Variants in DEFB131A observed in about 807,000 individuals in gnomAD.
The protein encoded by DEFB131A is defensin beta 131A.
In DEFB131A, 5 loss-of-function variants were observed where a neutral mutation model predicts 2.4. That is an observed-to-expected ratio of 2.12 (90% confidence interval 1.11 to 4.47). DEFB131A has a LOEUF of 4.47. Among genes scored for constraint, DEFB131A ranks in the 30% most tolerant of loss-of-function variants. The pLI, the probability that DEFB131A is intolerant of heterozygous loss-of-function variation, is 0.00. For missense variants in DEFB131A, 120 were observed against 79.9 expected, an observed-to-expected ratio of 1.50 and a Z score of -1.91; for synonymous variants, 34 against 25.7, an observed-to-expected ratio of 1.32 and a Z score of -0.97.
intron 1 of DEFB131A, among the ~76,000 whole-genome samples, chr4:9,446,930 T>C (rs1158590576): frequency 2.6e-5 from 4 of 152,156 alleles, no homozygotes; most frequent in Non-Finnish European, 4.4e-5. Flanking sequence ...TCTAGTTCTA[T>C]TCTATTTTTG....
At chr4:9,450,247 T>C (rs777556856) in intron 1 of DEFB131A, 113 bp from the exon 2 acceptor site, 12 of 1,228,612 alleles carry the variant, frequency 9.8e-6, no homozygotes, top group Non-Finnish European at 1.0e-5. Flanking sequence ...CTGTTGATTT[T>C]GTTTTTCTGG....
At chr4:9,448,479 C>T (rs530736867) in intron 1 of DEFB131A, among the ~76,000 whole-genome samples, 3 of 152,176 alleles carry the variant, frequency 2.0e-5, no homozygotes, top group East Asian at 1.9e-4. Context: ...CAGCCACCAC[C>T]ATGCCTGGCT....
chr4:9,444,555 T>C lies in DEFB131A; in HGVS notation c.22T>C (p.Phe8Leu). The C allele has an allele frequency of 6.2e-7, 1 of 1,611,544 alleles. No homozygotes were observed. Among genetic ancestry groups the C allele is most frequent in the South Asian group, 1.1e-5 (1 of 90,954 alleles). The change falls in exon 1 of 2, where the codon TTT becomes CTT. Residue 8 changes from phenylalanine (F) to leucine (L), a missense_variant. Physicochemically the swap from Phe to Leu is conservative, Grantham distance 22. Coordinates refer to ENST00000334879, the MANE Select transcript of DEFB131A (RefSeq NM_001040448.3). ...AACCATGAGGGTCTTGTTTTTTGTC[T>C]TTGGAGTCCTTTCCTTGATGTTCAC... is the stretch of plus-strand genomic sequence containing the variant. MRVLFFVFGVLSLMFTVP... is the reference protein window; with the variant it reads MRVLFFVLGVLSLMFTVP...
chr4:9,446,226 G>C (rs1336564983), intron 1 of DEFB131A, among the ~76,000 whole-genome samples: 1 of 152,032 alleles, frequency 6.6e-6, no homozygotes, highest in Non-Finnish European at 1.5e-5. Flanking sequence ...CCTCAGAAAA[G>C]ATAAATAAGT....
chr4:9,447,472 T>C (rs560995546), intron 1 of DEFB131A, among the ~76,000 whole-genome samples: 1 of 152,300 alleles, frequency 6.6e-6, no homozygotes, highest in Non-Finnish European at 1.5e-5. Context: ...ATGGGTGCCT[T>C]AAATAACAAA....
intron 1 of DEFB131A, among the ~76,000 whole-genome samples, 187 bp from the exon 2 acceptor site, chr4:9,450,173 C>A (rs539534412): frequency 6.6e-6 from 1 of 152,314 alleles, no homozygotes; most frequent in Non-Finnish European, 1.5e-5. Flanking sequence ...TATCTACTCT[C>A]TTTATAGAAG....
At chr4:9,445,509 C>T (rs11736134) in intron 1 of DEFB131A, among the ~76,000 whole-genome samples, 105,863 of 151,076 alleles carry the variant, frequency 0.7, 37,478 homozygotes, top group Non-Finnish European at 0.77. Flanking sequence ...TATTAAACTG[C>T]GGTTCATACC....
intron 1 of DEFB131A, among the ~76,000 whole-genome samples, chr4:9,446,413 G>T (rs1298401535): frequency 6.6e-6 from 1 of 152,014 alleles, no homozygotes; most frequent in Non-Finnish European, 1.5e-5. Flanking sequence ...ATGATCCATT[G>T]TATTTCTTTT....
At chr4:9,450,039 T>G (rs1717614922) in intron 1 of DEFB131A, among the ~76,000 whole-genome samples, 1 of 152,200 alleles carries the variant, frequency 6.6e-6, no homozygotes, top group African/African-American at 2.4e-5. Flanking sequence ...CTCCAGAAGT[T>G]AAACATTATT....
At chr4:9,447,515 T>C (rs947111658) in intron 1 of DEFB131A, among the ~76,000 whole-genome samples, 2 of 152,222 alleles carry the variant, frequency 1.3e-5, no homozygotes, top group Admixed American at 1.3e-4. Context: ...GAAGTTATAA[T>C]TCTAAGATCA....
chr4:9,444,614 C>T, intron 1 of DEFB131A, 23 bp downstream of exon 1: 1 of 1,600,456 alleles, frequency 6.2e-7, no homozygotes, highest in Non-Finnish European at 8.5e-7. Flanking sequence ...CTTTTTTATT[C>T]CAAAGTTCTA....
intron 1 of DEFB131A, among the ~76,000 whole-genome samples, chr4:9,446,891 C>T (rs545906712): frequency 5.9e-5 from 9 of 152,198 alleles, no homozygotes; most frequent in East Asian, 3.9e-4. Flanking sequence ...TTATCTGTAT[C>T]GTTTCCAAAG....
intron 1 of DEFB131A, among the ~76,000 whole-genome samples, chr4:9,446,290 A>G (rs1423709603): frequency 3.9e-5 from 6 of 152,126 alleles, no homozygotes; most frequent in Non-Finnish European, 5.9e-5. Flanking sequence ...GATTTATTAT[A>G]AAGTATTGGT....
At position 9,444,690 on chromosome 4, in the gene DEFB131A, T is replaced by C. The variant is rs1458108094; in HGVS notation, c.58+99T>C. The C allele has an allele frequency of 4.0e-6, 5 of 1,240,030 alleles. No homozygotes were observed. In the East Asian group the frequency reaches 1.2e-4, roughly 29 times the overall value. 76.8% of individuals were successfully genotyped at this position (1,240,030 alleles called of 1,614,324 possible). On this transcript the variant is annotated intron_variant, in intron 1 of 1. Transcript: ENST00000334879. ...TGAAAATAAAATAGGCATGGGCAGA[T>C]TTTACTGTACCATGAAGGCTGCTCA...
At chr4:9,447,604 C>T (rs888248549) in intron 1 of DEFB131A, among the ~76,000 whole-genome samples, 8 of 151,824 alleles carry the variant, frequency 5.3e-5, no homozygotes, top group Non-Finnish European at 1.0e-4. Flanking sequence ...CCTCTTATGG[C>T]ATTTTTTCTG....
intron 1 of DEFB131A, among the ~76,000 whole-genome samples, chr4:9,445,801 A>G (rs1021196619): frequency 6.6e-6 from 1 of 152,150 alleles, no homozygotes; most frequent in Non-Finnish European, 1.5e-5. Flanking sequence ...ATTCCAGAAT[A>G]TGTTTATAAC....
At chr4:9,448,137 G>A (rs1245353608) in intron 1 of DEFB131A, among the ~76,000 whole-genome samples, 16 of 148,272 alleles carry the variant, frequency 1.1e-4, no homozygotes, top group African/African-American at 3.5e-4. Context: ...TTAAACATAG[G>A]CATATTATAT....
intron 1 of DEFB131A, 131 bp from the exon 2 acceptor site, chr4:9,450,229 A>G: frequency 9.0e-7 from 1 of 1,110,814 alleles, no homozygotes; most frequent in East Asian, 3.0e-5. Context: ...TTTCTCTTGC[A>G]TTTTTTGCTG....
Position 9,450,505 on chromosome 4 carries a change from G to T in DEFB131A, c.204G>T (p.Lys68Asn), listed in dbSNP as rs776328230. 1.9e-6 allele frequency: 3 copies of T among 1,609,050 alleles called. No homozygotes were observed. Among genetic ancestry groups the T allele is most frequent in the Non-Finnish European group, 2.5e-6 (3 of 1,178,582 alleles). The change falls in exon 2 of 2, where the codon AAG becomes AAT. Residue 68 changes from lysine to asparagine, a missense_variant. Transcript: ENST00000334879. ...KLKIIEIDGQKKW is the reference protein window; with the variant it reads ...KLKIIEIDGQNKW ...AGATCATTGAAATTGACGGACAAAA[G>T]AAGTGGTGAAAATTCTAACTCCATC...
Sources: allele counts gnomAD v4.1 joint callset (sites outside exome capture counted in the v4.1 genomes callset), GRCh38; gene constraint gnomAD v4.1.1; transcripts MANE v1.5; gene names NCBI Gene and HGNC (gene_info 2026-07-23, HGNC 2026-07-21).